Variants in TMEM245 observed in about 807,000 individuals in gnomAD.
The protein encoded by TMEM245 is transmembrane protein 245, also known as protein CG-2.
In TMEM245, 69 loss-of-function variants were observed where a neutral mutation model predicts 101.2. That is an observed-to-expected ratio of 0.68 (90% CI 0.56 to 0.83). The LOEUF (loss-of-function observed/expected upper bound fraction) is 0.83, where lower values mean the gene tolerates loss of function less well. Ranked by LOEUF, TMEM245 falls within the 40% of genes least tolerant of loss-of-function variation. The pLI, the probability that TMEM245 is intolerant of heterozygous loss-of-function variation, is 0.00. For missense variants in TMEM245, 1,075 were observed against 1,092.8 expected, an observed-to-expected ratio of 0.98 and a Z score of 0.23; for synonymous variants, 537 against 449.8, an observed-to-expected ratio of 1.19 and a Z score of -2.45.
At chr9:109,086,885 C>T (rs1405806935) in intron 6 of TMEM245, among the ~76,000 whole-genome samples, 4 of 152,140 alleles carry the variant, frequency 2.6e-5, no homozygotes, top group Admixed American at 6.5e-5. Context: ...TTAGGCAAGT[C>T]GCTTAACCTC....
At chr9:109,078,227 A>G (rs1185196652) in intron 8 of TMEM245, among the ~76,000 whole-genome samples, 6 of 152,208 alleles carry the variant, frequency 3.9e-5, no homozygotes, top group African/African-American at 9.6e-5. Flanking sequence ...TTACATATAC[A>G]TAGCTCATCT....
In TMEM245 at chr9:109,076,447, G is replaced by C. The variant is rs566148156; in HGVS notation, c.1450-3009C>G. Among the ~76,000 whole-genome samples the C allele has an allele frequency of 2.0e-5, 3 of 151,932 alleles. No individual in the cohort carries two copies. In the South Asian group the frequency reaches 6.2e-4, roughly 32 times the overall value. On this transcript the variant is annotated intron_variant, in intron 8 of 17. Coordinates refer to ENST00000374586, the MANE Select transcript of TMEM245 (RefSeq NM_032012.4). ...CCTAATGTAAATGACGAGTTATTGG[G>C]TGCAGCACACCAACATGGCACACGT...
intron 7 of TMEM245, among the ~76,000 whole-genome samples, chr9:109,081,748 T>C (rs1294117515): frequency 6.6e-6 from 1 of 152,206 alleles, no homozygotes; most frequent in African/African-American, 2.4e-5. Context: ...CTTTATGACA[T>C]GACTATAATT....
intron 8 of TMEM245, among the ~76,000 whole-genome samples, chr9:109,079,726 C>T (rs777381070): frequency 4.0e-5 from 6 of 150,316 alleles, no homozygotes; most frequent in African/African-American, 4.9e-5. Flanking sequence ...AAAGATGCTA[C>T]GCAAAGGGAC....
rs377558502 is a variant in TMEM245 at position 109,087,465 on chromosome 9, A to C, written c.1151-123T>G. The C allele has an allele frequency of 4.9e-6, 5 of 1,026,934 alleles. No homozygotes were observed. The African/African-American group carries it at 6.6e-5, about 14-fold the overall frequency. 63.6% of individuals were successfully genotyped at this position (1,026,934 alleles called of 1,614,324 possible). A position where few individuals can be genotyped will look rare whatever the true frequency, so the allele number is the denominator to read the frequency against. On this transcript the variant is annotated intron_variant, in intron 5 of 17. Transcript: ENST00000374586. The stretch of plus-strand genomic sequence containing the variant: ...CAAAGCTAGTATTAAAAAGAAGATC[A>C]ATGTTAAAAAGCAGGGTGGGACTCA...
At chr9:109,085,482 CTGTTT>C (rs1178836771) in intron 7 of TMEM245, among the ~76,000 whole-genome samples, 1 of 152,102 alleles carries the variant, frequency 6.6e-6, no homozygotes, top group Non-Finnish European at 1.5e-5. Context: ...TGACTACTAT[CTGTTT>C]TAAGTTAAAA....
intron 1 of TMEM245, 143 bp from the exon 2 acceptor site, chr9:109,108,713 G>A (rs1319827257): frequency 2.7e-5 from 14 of 520,990 alleles, no homozygotes; most frequent in East Asian, 1.8e-4. Context: ...TCAAAGAAAC[G>A]TACCTAGGTT....
chr9:109,081,134 G>A (rs1465773321), intron 7 of TMEM245, among the ~76,000 whole-genome samples, 191 bp from the exon 8 acceptor site: 2 of 152,014 alleles, frequency 1.3e-5, no homozygotes, highest in East Asian at 3.8e-4. Flanking sequence ...TTGTTATATA[G>A]TTTATTACTG....
At position 109,018,322 on chromosome 9, in the gene TMEM245, G is replaced by A. The variant is rs1827510767; in HGVS notation, c.*2138C>T. On this transcript the variant is annotated 3_prime_UTR_variant, in exon 18 of 18. Transcript: ENST00000374586. ...TTAGTATTACATATGATCTGGCTAAGAGCAAGAGGCCTTCTTATGAGTGAT... is the reference window on the plus strand; with the variant it reads ...TTAGTATTACATATGATCTGGCTAAAAGCAAGAGGCCTTCTTATGAGTGAT... 1 of 152,150 alleles carries A rather than the reference G, an allele frequency of 6.6e-6. No homozygotes were observed. Among genetic ancestry groups the A allele is most frequent in the African/African-American group, 2.4e-5 (1 of 41,414 alleles). The allele number at this position is 152,150 out of a possible 1,614,324, so 9.4% of individuals were successfully genotyped here. A position where few individuals can be genotyped will look rare whatever the true frequency, so the allele number is the denominator to read the frequency against.
intron 7 of TMEM245, among the ~76,000 whole-genome samples, chr9:109,084,751 T>C (rs897179931): frequency 6.6e-6 from 1 of 152,204 alleles, no homozygotes; most frequent in African/African-American, 2.4e-5. Context: ...ACGTGACTTA[T>C]ATTTGCACAT....
chr9:109,047,984 G>A lies in TMEM245; in HGVS notation c.2123+2299C>T, dbSNP rs116552119. Among the ~76,000 whole-genome samples the A allele has an allele frequency of 2.1e-3, 324 of 152,314 alleles. 3 individuals are homozygous for A. Among genetic ancestry groups the A allele is most frequent in the African/African-American group, 7.2e-3 (299 of 41,576 alleles). The stretch of plus-strand genomic sequence containing the variant: ...CTAGATAAACAAAAGATTATCTATT[G>A]CTAGAATTTTCATCATTTCATTTAT... On this transcript the variant is annotated intron_variant, in intron 14 of 17. Coordinates refer to ENST00000374586, the MANE Select transcript of TMEM245 (RefSeq NM_032012.4).
intron 3 of TMEM245, among the ~76,000 whole-genome samples, chr9:109,105,033 T>G (rs571821592): frequency 6.5e-4 from 99 of 152,260 alleles, no homozygotes; most frequent in African/African-American, 2.3e-3. Flanking sequence ...AAAAATTTCT[T>G]TGCATCAAAA....
intron 12 of TMEM245, among the ~76,000 whole-genome samples, chr9:109,053,901 GGGAGCCTGGAGACAAT>G (rs1180491124): frequency 1.6e-4 from 24 of 152,310 alleles, no homozygotes; most frequent in African/African-American, 5.5e-4. Flanking sequence ...AGACTTGGGA[GGGAGCCTGGAGACAAT>G]GGACCACATG....
intron 3 of TMEM245, among the ~76,000 whole-genome samples, chr9:109,100,747 G>A (rs982358038): frequency 3.3e-5 from 5 of 152,200 alleles, no homozygotes; most frequent in African/African-American, 1.2e-4. Flanking sequence ...TGTAAATGAA[G>A]ATACCATCTA....
At position 109,057,944 on chromosome 9, in the gene TMEM245, T is replaced by TA. The variant is rs376502474; in HGVS notation, c.1723-623dup. ...TACTTTCTTTTTTTTTTTTTTTTTT[T>TA]AGTTTTTAGGCCCTCCACCTTTCTC... is the stretch of plus-strand genomic sequence containing the variant. On this transcript the variant is annotated intron_variant, in intron 11 of 17. Coordinates refer to ENST00000374586, the MANE Select transcript of TMEM245 (RefSeq NM_032012.4). Among the ~76,000 whole-genome samples the TA allele has an allele frequency of 7.5e-4, 111 of 147,110 alleles. 3 individuals carry two copies. The South Asian group carries it at 0.021, about 28-fold the overall frequency.
chr9:109,069,429 G>A (rs1468259545), intron 9 of TMEM245, among the ~76,000 whole-genome samples: 1 of 152,076 alleles, frequency 6.6e-6, no homozygotes. Flanking sequence ...TCCCATACCT[G>A]ATACATGTTG....
chr9:109,093,538 A>G lies in TMEM245; in HGVS notation c.853T>C (p.Leu285=). The G allele has an allele frequency of 6.2e-7, 1 of 1,614,176 alleles. No individual in the cohort carries two copies. Residue 285 remains leucine, a synonymous_variant, in exon 4 of 18, where the codon TTG becomes CTG. Coordinates refer to ENST00000374586, the MANE Select transcript of TMEM245 (RefSeq NM_032012.4). ...TCATACCCTGTGATAGAGATGGCCA[A>G]GTTTGCCAGAGTAGAAGCTGCCATG... ...ISMAASTLAN[L]AISITGYESS...
rs538008226 is a variant in TMEM245 at position 109,040,446 on chromosome 9, T to C, written c.2124-2329A>G. 1.1e-4 allele frequency among the ~76,000 whole-genome samples: 16 copies of C among 152,316 alleles called. No individual in the cohort carries two copies. The South Asian group carries it at 2.9e-3, about 28-fold the overall frequency. On this transcript the variant is annotated intron_variant, in intron 14 of 17. Transcript: ENST00000374586. ...TATAACCATCATTACAATCAAGATG[T>C]AGAATATTTCCATCACCCCAAAAAG...
intron 11 of TMEM245, among the ~76,000 whole-genome samples, chr9:109,058,141 C>T (rs944672878): frequency 1.3e-5 from 2 of 151,260 alleles, no homozygotes; most frequent in African/African-American, 4.9e-5. Context: ...GCTGTGACTA[C>T]GGGCGCCTGC....
Sources: allele counts gnomAD v4.1 joint callset (sites outside exome capture counted in the v4.1 genomes callset), GRCh38; gene constraint gnomAD v4.1.1; transcripts MANE v1.5; gene names NCBI Gene and HGNC (gene_info 2026-07-23, HGNC 2026-07-21).